Variants in INSC observed in about 807,000 individuals in gnomAD.
The protein encoded by INSC is INSC spindle orientation adaptor protein, also known as protein inscuteable homolog.
A neutral mutation model predicts 58.6 loss-of-function variants in INSC; 67 were observed. The observed-to-expected ratio is 1.14, with a 90% CI of 0.94 to 1.40. The LOEUF (loss-of-function observed/expected upper bound fraction) is 1.40. INSC is among the 40% of genes most tolerant of loss of function. The pLI, the probability that INSC is intolerant of heterozygous loss-of-function variation, is 0.00. For missense variants in INSC, 714 were observed against 692.0 expected (o/e 1.03, Z -0.36); for synonymous variants, 262 against 276.1 (o/e 0.95, Z 0.51).
At chr11:15,199,304 T>C (rs562270786) in intron 6 of INSC, among the ~76,000 whole-genome samples, 95 of 152,356 alleles carry the variant, frequency 6.2e-4, no homozygotes, top group African/African-American at 2.3e-3. Context: ...ATATAAGTTG[T>C]GATTACTCTT....
At chr11:15,120,109 G>A (rs1847834087) in intron 1 of INSC, among the ~76,000 whole-genome samples, 1 of 152,156 alleles carries the variant, frequency 6.6e-6, no homozygotes. Flanking sequence ...CATAAAATGA[G>A]AGAACTCATT....
At position 15,148,854 on chromosome 11, in the gene INSC, T is replaced by G. The variant is rs140963779; in HGVS notation, c.-45-276T>G. Among the ~76,000 whole-genome samples the G allele has an allele frequency of 2.0e-3, 307 of 152,312 alleles. 2 individuals carry two copies. Among genetic ancestry groups the G allele is most frequent in the African/African-American group, 6.9e-3 (288 of 41,570 alleles). ...ATGGGCTGTGTGTCCCAATATTTGA[T>G]ACATACCAAAATAAGTCAGGCAAAT... On this transcript the variant is annotated intron_variant, in intron 1 of 12. Transcript: ENST00000379556.
chr11:15,180,626 C>A (rs963035902), intron 5 of INSC, among the ~76,000 whole-genome samples: 1 of 137,692 alleles, frequency 7.3e-6, no homozygotes, highest in Non-Finnish European at 1.5e-5. Flanking sequence ...GCTGAGTAGA[C>A]CAGCTCCTGC....
At chr11:15,269,488 T>C in the INSC span, among the ~76,000 whole-genome samples, 1 of 151,898 alleles carries the variant, frequency 6.6e-6, no homozygotes, top group African/African-American at 2.4e-5. Context: ...ATGTGGTACT[T>C]TTTTTTATCC....
At chr11:15,255,736 A>ATGTGTGTG in the INSC span, among the ~76,000 whole-genome samples, 17,859 of 147,882 alleles carry the variant, frequency 0.12, 1,328 homozygotes, top group African/African-American at 0.22. Flanking sequence ...AAGTGTGTGT[A>ATGTGTGTG]TGTGTGTGTG....
intron 1 of INSC, among the ~76,000 whole-genome samples, chr11:15,119,274 G>C (rs542653057): frequency 6.6e-5 from 10 of 152,094 alleles, no homozygotes; most frequent in Non-Finnish European, 1.5e-4. Flanking sequence ...GGGTTGTGTG[G>C]GGATCTCTCC....
the INSC span, among the ~76,000 whole-genome samples, chr11:15,265,516 C>G: frequency 6.6e-6 from 1 of 151,068 alleles, no homozygotes; most frequent in Non-Finnish European, 1.5e-5. Context: ...CTAGAGTCAG[C>G]TTGGGTAAAT....
At chr11:15,208,869 TG>T (rs1475874610) in intron 7 of INSC, among the ~76,000 whole-genome samples, 1 of 152,072 alleles carries the variant, frequency 6.6e-6, no homozygotes, top group Non-Finnish European at 1.5e-5. Flanking sequence ...AGGCTTCTCC[TG>T]GGGCTGTTGA....
intron 6 of INSC, among the ~76,000 whole-genome samples, chr11:15,191,424 C>T (rs1590426448): frequency 2.0e-5 from 3 of 152,058 alleles, no homozygotes; most frequent in Admixed American, 2.0e-4. Context: ...TCCACACATC[C>T]TTCCCTTCCT....
the INSC span, among the ~76,000 whole-genome samples, chr11:15,265,495 CT>C: frequency 4.1e-5 from 6 of 147,522 alleles, no homozygotes; most frequent in South Asian, 2.1e-4. Flanking sequence ...CACAATTCAC[CT>C]TTTTTTTTTC....
At chr11:15,269,618 T>A in the INSC span, among the ~76,000 whole-genome samples, 1 of 151,956 alleles carries the variant, frequency 6.6e-6, no homozygotes, top group African/African-American at 2.4e-5. Flanking sequence ...AAGAAGATGA[T>A]CTGAACTAGG....
intron 5 of INSC, among the ~76,000 whole-genome samples, chr11:15,187,569 C>T (rs1325020474): frequency 6.6e-6 from 1 of 152,196 alleles, no homozygotes; most frequent in African/African-American, 2.4e-5. Flanking sequence ...ATAGATTTCA[C>T]TAGGTTGCAG....
At chr11:15,191,003 C>T (rs550622892) in intron 6 of INSC, among the ~76,000 whole-genome samples, 189 bp downstream of exon 6, 4 of 136,494 alleles carry the variant, frequency 2.9e-5, no homozygotes, top group East Asian at 2.1e-4. Context: ...TTTTTTGAGA[C>T]GGAGTCTCAC....
At chr11:15,140,991 G>A (rs1490091898) in intron 1 of INSC, among the ~76,000 whole-genome samples, 1 of 152,120 alleles carries the variant, frequency 6.6e-6, no homozygotes, top group Non-Finnish European at 1.5e-5. Flanking sequence ...ACCTCATGGG[G>A]TTATTTTGAG....
rs1199357261 is a variant in INSC at position 15,200,917 on chromosome 11, T to A, written c.787T>A (p.Cys263Ser). 3 of 1,612,332 alleles carry A rather than the reference T, an allele frequency of 1.9e-6. No individual in the cohort carries two copies. The South Asian group carries it at 3.3e-5, about 18-fold the overall frequency. The change falls in exon 7 of 13, where the codon TGC becomes AGC. Residue 263 changes from cysteine to serine, a missense_variant. Physicochemically the swap from Cys to Ser is moderately radical, Grantham distance 112. Coordinates refer to ENST00000379556, the MANE Select transcript of INSC (RefSeq NM_001042536.3). ...QALRTLASIC[C>S]VEEGVHQLEK... ...GCTCCGCACGCTGGCCTCCATCTGC[T>A]GCGTGGAAGAGGGTGTCCACCAGCT...
intron 1 of INSC, among the ~76,000 whole-genome samples, chr11:15,125,423 C>T (rs1847970500): frequency 6.6e-6 from 1 of 152,156 alleles, no homozygotes; most frequent in Admixed American, 6.5e-5. Flanking sequence ...AGAGAAATGA[C>T]ATGCTATAGC....
chr11:15,252,156 T>C (rs761930596), downstream of INSC, among the ~76,000 whole-genome samples: 7 of 152,184 alleles, frequency 4.6e-5, no homozygotes, highest in African/African-American at 7.2e-5. Flanking sequence ...GTTCCAAATA[T>C]ACGAGATGTA....
chr11:15,123,318 T>A (rs535478654), intron 1 of INSC, among the ~76,000 whole-genome samples: 125 of 152,378 alleles, frequency 8.2e-4, no homozygotes, highest in African/African-American at 2.9e-3. Context: ...TATATGATGA[T>A]GAGCTCTGTG....
At chr11:15,120,756 G>T (rs1169020263) in intron 1 of INSC, among the ~76,000 whole-genome samples, 1 of 152,138 alleles carries the variant, frequency 6.6e-6, no homozygotes, top group African/African-American at 2.4e-5. Context: ...TTTAAGAAGG[G>T]AGGGACATGA....
Sources: gnomAD v4.1 joint callset for allele counts (sites outside exome capture counted in the v4.1 genomes callset) on GRCh38, gnomAD v4.1.1 for gene constraint, MANE v1.5 for transcripts, NCBI Gene and HGNC (gene_info 2026-07-23, HGNC 2026-07-21) for gene names.